The following MRTFA variants were observed in gnomAD, a reference collection of about 807,000 sequenced individuals.
MRTFA encodes myocardin related transcription factor A.
Under a neutral mutation model 83.5 loss-of-function variants are expected in MRTFA, and 20 were observed. That is an observed-to-expected ratio of 0.24 (90% CI 0.17 to 0.35). The LOEUF is 0.35. Among genes scored for constraint, MRTFA ranks in the 10% least tolerant of loss-of-function variants. The pLI, the probability that MRTFA is intolerant of heterozygous loss-of-function variation, is 1.00. For synonymous variants in MRTFA, 659 were observed against 541.2 expected (o/e 1.22, Z -3.02); for missense variants, 1,200 against 1,224.7 (o/e 0.98, Z 0.30).
At chr22:40,599,029 G>A (rs1031250415) in intron 1 of MRTFA, among the ~76,000 whole-genome samples, 9 of 149,810 alleles carry the variant, frequency 6.0e-5, no homozygotes, top group Non-Finnish European at 1.3e-4. Flanking sequence ...TGGGCGTGGT[G>A]GCTCACACCT....
At chr22:40,577,257 A>AAAAG (rs2055881159) in intron 2 of MRTFA, among the ~76,000 whole-genome samples, 2 of 148,812 alleles carry the variant, frequency 1.3e-5, no homozygotes, top group Non-Finnish European at 3.0e-5. Flanking sequence ...AAAAAAAAAA[A>AAAAG]TTAAAAAAAA....
chr22:40,602,857 A>C (rs2056276346), intron 1 of MRTFA, among the ~76,000 whole-genome samples: 1 of 152,044 alleles, frequency 6.6e-6, no homozygotes, highest in Non-Finnish European at 1.5e-5. Context: ...AAAAAACAAT[A>C]GTTAAAGGTG....
intron 1 of MRTFA, among the ~76,000 whole-genome samples, chr22:40,629,889 G>A (rs1183561012): frequency 6.6e-6 from 1 of 151,754 alleles, no homozygotes; most frequent in East Asian, 1.9e-4. Context: ...TTTTGAGGTT[G>A]CAGTGAGCTA....
At position 40,411,046 on chromosome 22, in the gene MRTFA, G is replaced by A. The variant is rs753263105; in HGVS notation, c.*344C>T. The A allele has an allele frequency of 2.0e-4, 53 of 262,114 alleles. No homozygotes were observed. Among genetic ancestry groups the A allele is most frequent in the African/African-American group, 3.2e-4 (15 of 46,442 alleles). 16.2% of individuals were successfully genotyped at this position (262,114 alleles called of 1,614,324 possible). ...CCCTGGGTCAGAAGAGAAGCCTCCC[G>A]CCTGGCCAGGCTTCACCTACCTTAG... is the stretch of plus-strand genomic sequence containing the variant. On this transcript the variant is annotated 3_prime_UTR_variant, in exon 15 of 15. Coordinates refer to ENST00000355630, the MANE Select transcript of MRTFA (RefSeq NM_020831.6).
intron 3 of MRTFA, among the ~76,000 whole-genome samples, chr22:40,477,781 G>A (rs950066542): frequency 6.6e-6 from 1 of 151,834 alleles, no homozygotes; most frequent in Non-Finnish European, 1.5e-5. Context: ...TGGGGGATGC[G>A]GAGAGATGAA....
chr22:40,635,316 C>T (rs924455356), intron 1 of MRTFA, among the ~76,000 whole-genome samples: 2 of 147,660 alleles, frequency 1.4e-5, no homozygotes, highest in African/African-American at 5.1e-5. Context: ...TGAAGTAAAA[C>T]ATGTAGGTCT....
chr22:40,578,017 A>T (rs571703368), intron 2 of MRTFA, among the ~76,000 whole-genome samples: 1 of 148,960 alleles, frequency 6.7e-6, no homozygotes, highest in South Asian at 2.1e-4. Flanking sequence ...GCAGTGGTGC[A>T]ATCTTGACTC....
At chr22:40,595,486 G>A (rs2056179236) in intron 1 of MRTFA, among the ~76,000 whole-genome samples, 1 of 152,060 alleles carries the variant, frequency 6.6e-6, no homozygotes, top group Non-Finnish European at 1.5e-5. Flanking sequence ...ATAATGGTTT[G>A]TATGTATAAG....
At chr22:40,417,299 G>A in intron 13 of MRTFA, 42 bp downstream of exon 13, 1 of 1,595,390 alleles carries the variant, frequency 6.3e-7, no homozygotes, top group Non-Finnish European at 8.5e-7. Context: ...AGCAGCCTAG[G>A]GCAGCTGCCA....
At chr22:40,597,312 G>A (rs1182262399) in intron 1 of MRTFA, among the ~76,000 whole-genome samples, 1 of 152,196 alleles carries the variant, frequency 6.6e-6, no homozygotes, top group South Asian at 2.1e-4. Flanking sequence ...CGTCTGCTAC[G>A]TAATTACACC....
chr22:40,538,653 G>C (rs1325830599), intron 3 of MRTFA, among the ~76,000 whole-genome samples: 1 of 152,028 alleles, frequency 6.6e-6, no homozygotes, highest in Non-Finnish European at 1.5e-5. Flanking sequence ...AAGAGTATTA[G>C]CACAGCAACA....
intron 1 of MRTFA, among the ~76,000 whole-genome samples, chr22:40,626,481 C>T (rs1471162093): frequency 4.6e-5 from 7 of 151,968 alleles, no homozygotes; most frequent in Non-Finnish European, 7.4e-5. Flanking sequence ...TTTGTAGAGA[C>T]GGGGTTTTGC....
At chr22:40,592,978 C>T (rs2056143144) in intron 2 of MRTFA, among the ~76,000 whole-genome samples, 1 of 152,072 alleles carries the variant, frequency 6.6e-6, no homozygotes, top group South Asian at 2.1e-4. Flanking sequence ...AGAGATCAAG[C>T]AAAACTGCAC....
At position 40,572,394 on chromosome 22, in the gene MRTFA, G is replaced by C. The variant is rs370527768; in HGVS notation, c.-21-20027C>G. Among the ~76,000 whole-genome samples the C allele has an allele frequency of 1.6e-4, 25 of 152,050 alleles. No individual in the cohort carries two copies. The South Asian group carries it at 3.9e-3, about 24-fold the overall frequency. On this transcript the variant is annotated intron_variant, in intron 2 of 14. Coordinates refer to ENST00000355630, the MANE Select transcript of MRTFA (RefSeq NM_020831.6). ...AAAGGTTGAGGTCTGAGAATCAAGA[G>C]AGCTCAGGAGTTCAAGGCTACAGTT...
At chr22:40,453,073 C>T (rs1005268885) in intron 4 of MRTFA, among the ~76,000 whole-genome samples, 1 of 152,170 alleles carries the variant, frequency 6.6e-6, no homozygotes, top group Non-Finnish European at 1.5e-5. Flanking sequence ...ATGCCTGGGA[C>T]TGATGTGCCT....
intron 2 of MRTFA, among the ~76,000 whole-genome samples, chr22:40,554,579 G>A (rs1034428383): frequency 1.4e-4 from 22 of 152,108 alleles, no homozygotes; most frequent in Non-Finnish European, 2.9e-4. Context: ...GAGGCCTCCC[G>A]AGCCCTGTGG....
intron 7 of MRTFA, 34 bp from the exon 8 acceptor site, chr22:40,424,415 C>A (rs767052572): frequency 6.2e-7 from 1 of 1,606,920 alleles, no homozygotes; most frequent in Non-Finnish European, 8.5e-7. Flanking sequence ...ATTCCACTTC[C>A]AGCCCAGGGA....
At chr22:40,461,325 G>A (rs959409977) in intron 4 of MRTFA, among the ~76,000 whole-genome samples, 14 of 150,756 alleles carry the variant, frequency 9.3e-5, no homozygotes, top group African/African-American at 2.7e-4. Context: ...ATTCTGACTT[G>A]CTTAAAAGCC....
At chr22:40,497,434 G>A (rs2054374377) in intron 3 of MRTFA, among the ~76,000 whole-genome samples, 1 of 152,220 alleles carries the variant, frequency 6.6e-6, no homozygotes, top group Non-Finnish European at 1.5e-5. Context: ...CAGCAGCAGA[G>A]AGGCTGGTGA....
Sources: allele counts gnomAD v4.1 joint callset (sites outside exome capture counted in the v4.1 genomes callset), GRCh38; gene constraint gnomAD v4.1.1; transcripts MANE v1.5; gene names NCBI Gene and HGNC (gene_info 2026-07-23, HGNC 2026-07-21).